ZRANB3: variants seen among roughly 807,000 people sequenced by gnomAD.
ZRANB3 encodes the protein DNA annealing helicase and endonuclease ZRANB3.
In ZRANB3, 125 loss-of-function variants were observed where a neutral mutation model predicts 133.8. The ratio of observed to expected loss-of-function variants is 0.93; its 90% CI spans 0.81 to 1.08. The LOEUF is 1.08. Among genes scored for constraint, ZRANB3 ranks in the 50% least tolerant of loss-of-function variants. The probability of loss-of-function intolerance (pLI) is 0.00; values close to 1 mark genes in which losing one functional copy is unlikely to be tolerated. For synonymous variants in ZRANB3, 387 were observed against 432.7 expected (o/e 0.89, Z 1.31); for missense variants, 1,229 against 1,275.5 (o/e 0.96, Z 0.56).
At chr2:135,523,896 G>A (rs1322621947) in intron 1 of ZRANB3, among the ~76,000 whole-genome samples, 1 of 152,186 alleles carries the variant, frequency 6.6e-6, no homozygotes, top group Non-Finnish European at 1.5e-5. Flanking sequence ...GGGACATGCT[G>A]AATTTGAAGT....
At position 135,277,944 on chromosome 2, in the gene ZRANB3, AAC is replaced by A. The variant is rs1235458783; in HGVS notation, c.967-2191_967-2190del. Among the ~76,000 whole-genome samples the A allele has an allele frequency of 2.9e-3, 444 of 151,846 alleles. 2 individuals carry two copies. The highest frequency in any genetic ancestry group is 0.01 in the African/African-American group (421 of 41,500). ...TCTCAAAAAAAAAACAAAAAAAAAA[AAC>A]AAATATAAAATGTAAAATAATTAGG... is the stretch of plus-strand genomic sequence containing the variant. On this transcript the variant is annotated intron_variant, in intron 8 of 20. Transcript: ENST00000264159.
In ZRANB3 at chr2:135,494,308, A is replaced by AG. The variant is rs1278342191; in HGVS notation, c.161+10020_161+10021insC. On this transcript the variant is annotated intron_variant, in intron 2 of 20. Transcript: ENST00000264159. ...GGGTGACAGAGCAAGACTCCGTCTC[A>AG]AAAAAAAAAAAAAAAGAAAAGAAAA... 2.5e-4 allele frequency among the ~76,000 whole-genome samples: 29 copies of AG among 114,878 alleles called. No homozygotes were observed. The East Asian group carries it at 3.6e-3, about 14-fold the overall frequency. The allele number at this position is 114,878 out of a possible 152,430, so 75.4% of individuals were successfully genotyped here.
At chr2:135,247,630 T>C (rs879792623) in intron 12 of ZRANB3, among the ~76,000 whole-genome samples, 9 of 152,156 alleles carry the variant, frequency 5.9e-5, no homozygotes, top group Admixed American at 3.3e-4. Flanking sequence ...TACATATCCC[T>C]AGGAAAGAGG....
At chr2:135,481,547 T>C (rs1457045837) in intron 2 of ZRANB3, among the ~76,000 whole-genome samples, 1 of 152,198 alleles carries the variant, frequency 6.6e-6, no homozygotes, top group African/African-American at 2.4e-5. Context: ...TGCGAAAATT[T>C]TCTCCCATTT....
chr2:135,418,925 C>CTTTTTTTTTTTTTTTTTTTTT (rs769271961), intron 2 of ZRANB3, among the ~76,000 whole-genome samples: 16 of 85,900 alleles, frequency 1.9e-4, no homozygotes, highest in East Asian at 1.1e-3. Flanking sequence ...AGGATTCTCT[C>CTTTTTTTTTTTTTTTTTTTTT]TTTTTTTTTT....
intron 3 of ZRANB3, among the ~76,000 whole-genome samples, chr2:135,380,055 G>C (rs538022577): frequency 4.6e-5 from 7 of 152,178 alleles, no homozygotes; most frequent in African/African-American, 1.4e-4. Context: ...AAGATCAAAA[G>C]AGTCAAAGAA....
intron 2 of ZRANB3, among the ~76,000 whole-genome samples, chr2:135,446,530 G>A (rs1690030735): frequency 6.6e-6 from 1 of 152,166 alleles, no homozygotes; most frequent in South Asian, 2.1e-4. Flanking sequence ...TTTAAAGCTA[G>A]AATAATTGGC....
intron 19 of ZRANB3, among the ~76,000 whole-genome samples, chr2:135,203,424 C>T (rs1324410679): frequency 6.6e-6 from 1 of 151,946 alleles, no homozygotes. Context: ...TCGAGACAAT[C>T]CTGGCTAACA....
At chr2:135,425,913 G>C (rs980991620) in intron 2 of ZRANB3, among the ~76,000 whole-genome samples, 1 of 151,836 alleles carries the variant, frequency 6.6e-6, no homozygotes, top group Non-Finnish European at 1.5e-5. Flanking sequence ...CCAGGGATTG[G>C]TTTTTTGAAA....
chr2:135,362,322 C>A (rs1358389839), intron 3 of ZRANB3, among the ~76,000 whole-genome samples: 1 of 152,090 alleles, frequency 6.6e-6, no homozygotes, highest in Admixed American at 6.6e-5. Flanking sequence ...CTTCTTCTTA[C>A]TCAAGACAGA....
rs756124887 is a variant in ZRANB3 at position 135,342,484 on chromosome 2, T to C, written c.677+3066A>G. On this transcript the variant is annotated intron_variant, in intron 6 of 20. Coordinates refer to ENST00000264159, the MANE Select transcript of ZRANB3 (RefSeq NM_032143.4). ...TTTTTCTTTCTTGAAAATGTTTACC[T>C]CTTTTAATAGAGATGGGGTCTTACT... 4.5e-4 allele frequency among the ~76,000 whole-genome samples: 67 copies of C among 150,100 alleles called. 2 individuals are homozygous for C. Among genetic ancestry groups the C allele is most frequent in the Non-Finnish European group, 7.8e-4 (53 of 68,030 alleles).
chr2:135,232,790 C>G (rs1200989182), intron 12 of ZRANB3, among the ~76,000 whole-genome samples: 2 of 152,192 alleles, frequency 1.3e-5, no homozygotes, highest in Non-Finnish European at 2.9e-5. Flanking sequence ...AAAACCCCAT[C>G]TATACATCAC....
chr2:135,220,164 C>A (rs938116316), intron 15 of ZRANB3, among the ~76,000 whole-genome samples: 1 of 152,082 alleles, frequency 6.6e-6, no homozygotes, highest in Non-Finnish European at 1.5e-5. Context: ...CTCCGCCTCC[C>A]AAAGTGCTAG....
chr2:135,279,848 G>A (rs1325022920), intron 8 of ZRANB3, among the ~76,000 whole-genome samples: 4 of 152,178 alleles, frequency 2.6e-5, no homozygotes, highest in Non-Finnish European at 4.4e-5. Flanking sequence ...ACCATCATTT[G>A]TGATATTGCT....
At chr2:135,314,831 C>G (rs754396989) in intron 7 of ZRANB3, among the ~76,000 whole-genome samples, 5 of 151,916 alleles carry the variant, frequency 3.3e-5, no homozygotes, top group Non-Finnish European at 7.4e-5. Flanking sequence ...TCACTGCAAC[C>G]TCTGCCTCCT....
intron 1 of ZRANB3, among the ~76,000 whole-genome samples, chr2:135,505,705 T>C (rs1032042451): frequency 8.5e-5 from 13 of 152,222 alleles, no homozygotes; most frequent in African/African-American, 2.9e-4. Flanking sequence ...CAAGTATTTA[T>C]TTATTAATAA....
chr2:135,206,628 T>TG (rs1422475449), intron 19 of ZRANB3, among the ~76,000 whole-genome samples: 1 of 150,926 alleles, frequency 6.6e-6, no homozygotes, highest in East Asian at 2.0e-4. Flanking sequence ...TAACTCATAC[T>TG]GGGATTATAT....
intron 2 of ZRANB3, among the ~76,000 whole-genome samples, chr2:135,398,520 A>AATTTTTTT: frequency 9.4e-6 from 1 of 105,924 alleles, no homozygotes; most frequent in East Asian, 2.6e-4. Flanking sequence ...TTCTTTTGTC[A>AATTTTTTT]CTTTTTTTTT....
chr2:135,478,528 T>C (rs906517571), intron 2 of ZRANB3, among the ~76,000 whole-genome samples: 2 of 152,184 alleles, frequency 1.3e-5, no homozygotes, highest in African/African-American at 4.8e-5. Flanking sequence ...TAAATTAGTA[T>C]CTTATATAAC....
Sources: allele counts gnomAD v4.1 joint callset (sites outside exome capture counted in the v4.1 genomes callset), GRCh38; gene constraint gnomAD v4.1.1; transcripts MANE v1.5; gene names NCBI Gene and HGNC (gene_info 2026-07-23, HGNC 2026-07-21).